The following TNIP1 variants were observed in gnomAD, a reference collection of about 807,000 sequenced individuals.
TNIP1 encodes the protein TNFAIP3-interacting protein 1.
In TNIP1, 22 loss-of-function variants were observed where a neutral mutation model predicts 86.6. The observed-to-expected ratio is 0.25, with a 90% CI of 0.18 to 0.36. The LOEUF (loss-of-function observed/expected upper bound fraction) is 0.36. Among genes scored for constraint, TNIP1 ranks in the 10% least tolerant of loss-of-function variants. The pLI, the probability that TNIP1 is intolerant of heterozygous loss-of-function variation, is 1.00. For missense variants in TNIP1, 709 were observed against 820.6 expected (o/e 0.86, Z 1.66); for synonymous variants, 294 against 313.0 (o/e 0.94, Z 0.64).
chr5:151,051,440 C>T (rs756490662), intron 7 of TNIP1, among the ~76,000 whole-genome samples: 4 of 152,148 alleles, frequency 2.6e-5, no homozygotes, highest in Non-Finnish European at 5.9e-5. Flanking sequence ...TGGCCACTCA[C>T]AGGATGGAGA....
At position 151,063,682 on chromosome 5, in the gene TNIP1, T is replaced by A; in HGVS notation, c.202A>T (p.Lys68Ter). 6.2e-7 allele frequency: 1 copy of A among 1,614,088 alleles called. No homozygotes were observed. The highest frequency in any genetic ancestry group is 8.5e-7 in the Non-Finnish European group (1 of 1,180,000). ...GGTGGTGGGAGCAGCTCGTTGTCCT[T>A]CACTAGCTCCTCTGCCTTCTGCCGG... The part of the protein sequence containing the change: ...RLRQKAEELV[K>*]DNELLPPPSP... The change falls in exon 3 of 18, where the codon AAG becomes TAG. Residue 68 changes from lysine (K) to a stop codon, truncating the protein, a stop_gained. Transcript: ENST00000521591. LOFTEE classifies it high-confidence loss of function.
chr5:151,042,694 G>A (rs1758594988), intron 10 of TNIP1, 23 bp from the exon 11 acceptor site: 2 of 1,613,490 alleles, frequency 1.2e-6, no homozygotes, highest in Non-Finnish European at 1.7e-6. Flanking sequence ...GCAGAGAGGA[G>A]TGTGTGAGGC....
At chr5:151,045,083 T>C (rs1252315079) in intron 9 of TNIP1, among the ~76,000 whole-genome samples, 3 of 151,986 alleles carry the variant, frequency 2.0e-5, no homozygotes, top group East Asian at 3.9e-4. Context: ...GCTACACCAA[T>C]AGAGGTAGGT....
chr5:151,051,680 T>A (rs1005850709), intron 7 of TNIP1, among the ~76,000 whole-genome samples: 1 of 152,170 alleles, frequency 6.6e-6, no homozygotes, highest in African/African-American at 2.4e-5. Context: ...CTAAGACCTG[T>A]CAATTCAGAA....
At chr5:151,030,815 A>T (rs1021417127) in intron 17 of TNIP1, 68 bp from the exon 18 acceptor site, 2 of 1,324,746 alleles carry the variant, frequency 1.5e-6, no homozygotes, top group Non-Finnish European at 2.1e-6. Context: ...TCTCTTATGG[A>T]ATGCAGTGCA....
At chr5:151,087,012 G>T (rs1764303355) in intron 1 of TNIP1, 1 of 152,436 alleles carries the variant, frequency 6.6e-6, no homozygotes, top group Admixed American at 6.5e-5. Context: ...GAGGGTGTCT[G>T]CTTGCCCCAG....
At chr5:151,060,102 GTC>G in intron 5 of TNIP1, among the ~76,000 whole-genome samples, 1 of 152,322 alleles carries the variant, frequency 6.6e-6, no homozygotes, top group African/African-American at 2.4e-5. Flanking sequence ...TTTCACAACG[GTC>G]GGGTGCCCGT....
chr5:151,034,943 T>G lies in TNIP1; in HGVS notation c.1587+59A>C, dbSNP rs1757502287. ...AGCACACACTGTGCATCCATCAGGC[T>G]AGCTCCATGAGGAAGGTAAGAGGAT... On this transcript the variant is annotated intron_variant, in intron 15 of 17. Transcript: ENST00000521591. The G allele has an allele frequency of 6.9e-6, 11 of 1,594,514 alleles. No homozygotes were observed. In the Admixed American group the frequency reaches 1.2e-4, roughly 17 times the overall value.
At chr5:151,045,098 A>ATT (rs199940816) in intron 9 of TNIP1, among the ~76,000 whole-genome samples, 159 of 147,886 alleles carry the variant, frequency 1.1e-3, no homozygotes, top group African/African-American at 3.7e-3. Flanking sequence ...GTAGGTAGCT[A>ATT]TTTTTTTTTT....
Position 151,033,657 on chromosome 5 carries a change from A to G in TNIP1, c.1730T>C (p.Met577Thr), listed in dbSNP as rs537463860. Reference protein sequence around the residue: ...WSQIRYPPPPMAMEHPPPLPN... With the variant: ...WSQIRYPPPPTAMEHPPPLPN... ...GAGTGGGGGCGGGTGCTCCATGGCCATGGGGGGAGGGGGGTAGCGGATCTG... is the reference window on the plus strand; with the variant it reads ...GAGTGGGGGCGGGTGCTCCATGGCCGTGGGGGGAGGGGGGTAGCGGATCTG... Residue 577 changes from methionine (M) to threonine (T), a missense_variant, in exon 16 of 18, where the codon ATG becomes ACG. By Grantham distance (81) the Met-to-Thr change is moderately conservative (BLOSUM62 -1). Transcript: ENST00000521591. 4.6e-5 allele frequency: 40 copies of G among 863,018 alleles called. No homozygotes were observed. In the South Asian group the frequency reaches 1.1e-3, roughly 23 times the overall value. 53.5% of individuals were successfully genotyped at this position (863,018 alleles called of 1,614,324 possible). A position where few individuals can be genotyped will look rare whatever the true frequency, so the allele number is the denominator to read the frequency against.
chr5:151,051,130 G>C (rs936700865), intron 7 of TNIP1, among the ~76,000 whole-genome samples: 77 of 152,172 alleles, frequency 5.1e-4, no homozygotes, highest in Non-Finnish European at 1.8e-4. Context: ...CCATGGATGG[G>C]GTCACTAGGG....
At chr5:151,043,088 TC>T in intron 9 of TNIP1, 127 bp from the exon 10 acceptor site, 3 of 915,186 alleles carry the variant, frequency 3.3e-6, no homozygotes, top group Non-Finnish European at 5.3e-6. Flanking sequence ...ACAGACACTG[TC>T]TCCATCCCTC....
intron 14 of TNIP1, among the ~76,000 whole-genome samples, chr5:151,035,331 T>A (rs1480961070): frequency 1.3e-5 from 2 of 152,228 alleles, no homozygotes; most frequent in Non-Finnish European, 2.9e-5. Context: ...ATCTTTTAGT[T>A]CCACTCTGGG....
intron 1 of TNIP1, among the ~76,000 whole-genome samples, 175 bp from the exon 2 acceptor site, chr5:151,065,306 TA>T (rs948058889): frequency 4.6e-5 from 7 of 152,216 alleles, no homozygotes; most frequent in African/African-American, 1.7e-4. Context: ...CTGCCTCTAT[TA>T]ATACAACCTT....
chr5:151,071,146 G>C (rs151325980), intron 1 of TNIP1, among the ~76,000 whole-genome samples: 84 of 152,246 alleles, frequency 5.5e-4, no homozygotes, highest in Admixed American at 3.3e-3. Flanking sequence ...GGACCAGGCT[G>C]GGCTCTCCTG....
At chr5:151,076,831 G>A (rs7731150) in intron 1 of TNIP1, among the ~76,000 whole-genome samples, 34,901 of 152,062 alleles carry the variant, frequency 0.23, 5,789 homozygotes, top group African/African-American at 0.48. Flanking sequence ...ACGCAGAGGG[G>A]CACTGGGGCT....
At chr5:151,039,452 T>C (rs1326080172) in intron 11 of TNIP1, among the ~76,000 whole-genome samples, 1 of 152,042 alleles carries the variant, frequency 6.6e-6, no homozygotes, top group Non-Finnish European at 1.5e-5. Flanking sequence ...AGTAGCTCAG[T>C]TGAGTAAAAG....
intron 3 of TNIP1, 98 bp from the exon 4 acceptor site, chr5:151,062,310 A>G (rs1761679518): frequency 1.8e-6 from 2 of 1,104,600 alleles, no homozygotes; most frequent in African/African-American, 3.1e-5. Context: ...GTTCTCAGAC[A>G]GGATTCCCCA....
chr5:151,059,779 C>CAGAGACAGAG (rs1318390934), intron 5 of TNIP1, among the ~76,000 whole-genome samples: 1 of 67,384 alleles, frequency 1.5e-5, no homozygotes, highest in African/African-American at 5.3e-5. Flanking sequence ...GTACGAGAGA[C>CAGAGACAGAG]AGAGAGAGAG....
Sources: allele counts gnomAD v4.1 joint callset (sites outside exome capture counted in the v4.1 genomes callset), GRCh38; gene constraint gnomAD v4.1.1; transcripts MANE v1.5; gene names NCBI Gene and HGNC (gene_info 2026-07-23, HGNC 2026-07-21).